Variants in TRPM4 observed in about 807,000 individuals in gnomAD.
The protein encoded by TRPM4 is transient receptor potential cation channel subfamily M member 4.
TRPM4 carries 124 observed loss-of-function variants against 135.6 expected under a neutral mutation model. That is an observed-to-expected ratio of 0.91 (90% CI 0.79 to 1.06). The LOEUF (loss-of-function observed/expected upper bound fraction) is 1.06. TRPM4 is among the 50% of genes least tolerant of loss of function. The pLI is 0.00. For synonymous variants in TRPM4, 745 were observed against 705.6 expected (o/e 1.06, Z -0.88); for missense variants, 1,658 against 1,671.4 (o/e 0.99, Z 0.14).
At chr19:49,192,084 C>T (rs930293658) in intron 16 of TRPM4, among the ~76,000 whole-genome samples, 5 of 152,146 alleles carry the variant, frequency 3.3e-5, no homozygotes, top group African/African-American at 1.2e-4. Context: ...CTATGGTTGC[C>T]GTTAAGGTAT....
chr19:49,206,238 C>T (rs570918969), intron 20 of TRPM4, among the ~76,000 whole-genome samples: 10 of 152,190 alleles, frequency 6.6e-5, no homozygotes, highest in Non-Finnish European at 1.2e-4. Context: ...GGATTACAGG[C>T]GTGAGCCACC....
intron 2 of TRPM4, chr19:49,158,607 CA>C: frequency 3.5e-6 from 1 of 284,712 alleles, no homozygotes. Flanking sequence ...TTCATTCATT[CA>C]TTCATTCATT....
Position 49,168,004 on chromosome 19 carries a change from G to T in TRPM4, c.355G>T (p.Val119Leu). Residue 119 changes from valine to leucine, a missense_variant, in exon 4 of 25, where the codon GTG (valine) becomes TTG (leucine). This residue lies in a region of TRPM4 where 239 missense variants were observed against 240.1 expected (regional missense o/e 1.00). Coordinates refer to ENST00000252826, the MANE Select transcript of TRPM4 (RefSeq NM_017636.4). ...GGGCTTCCGTGCCCCGAACCTGGTG[G>T]TGTCAGTGCTGGGGGGATCGGGGGG... ...TWGFRAPNLV[V>L]SVLGGSGGPV... The T allele has an allele frequency of 6.2e-7, 1 of 1,613,878 alleles. No individual in the cohort carries two copies. Among genetic ancestry groups the T allele is most frequent in the Non-Finnish European group, 8.5e-7 (1 of 1,179,998 alleles).
At chr19:49,172,152 C>T in intron 9 of TRPM4, 44 bp downstream of exon 9, 1 of 1,442,046 alleles carries the variant, frequency 6.9e-7, no homozygotes, top group Non-Finnish European at 9.8e-7. Context: ...TCAGTTCAAC[C>T]TTAGACACCT....
At position 49,167,468 on chromosome 19, in the gene TRPM4, C is replaced by T. The variant is rs532349588; in HGVS notation, c.268-449C>T. ...CCCTCTCTCTCTGGGTCTCTGTCGC[C>T]ATCTCTCTGGGTCTCTGTCCCTCTC... is the stretch of plus-strand genomic sequence containing the variant. On this transcript the variant is annotated intron_variant, in intron 3 of 24. Transcript: ENST00000252826. Among the ~76,000 whole-genome samples, 403 of 82,276 alleles carry T rather than the reference C, an allele frequency of 4.9e-3. 10 individuals carry two copies. Among genetic ancestry groups the T allele is most frequent in the Non-Finnish European group, 5.3e-3 (206 of 38,788 alleles). 54.0% of individuals were successfully genotyped at this position (82,276 alleles called of 152,430 possible). A position where few individuals can be genotyped will look rare whatever the true frequency, so the allele number is the denominator to read the frequency against.
chr19:49,207,233 A>C (rs1287978905), intron 20 of TRPM4, among the ~76,000 whole-genome samples: 1 of 152,220 alleles, frequency 6.6e-6, no homozygotes, highest in Non-Finnish European at 1.5e-5. Context: ...GATCTTAGGC[A>C]GAAAGCTTTC....
In TRPM4 at chr19:49,200,607, A is replaced by C. The variant is rs1433892690; in HGVS notation, c.2779-4A>C. ...GGGCCAGACTCAGCCACATCTCCCCACAGATGAAGGACGTGTTCTTCTTCC... is the reference window on the plus strand; with the variant it reads ...GGGCCAGACTCAGCCACATCTCCCCCCAGATGAAGGACGTGTTCTTCTTCC... On this transcript the variant is annotated splice_polypyrimidine_tract_variant and splice_region_variant and intron_variant, in intron 18 of 24. Transcript: ENST00000252826. 6.2e-7 allele frequency: 1 copy of C among 1,612,366 alleles called. No individual in the cohort carries two copies. Among genetic ancestry groups the C allele is most frequent in the Non-Finnish European group, 8.5e-7 (1 of 1,180,000 alleles).
chr19:49,166,310 C>T, intron 3 of TRPM4, 95 bp downstream of exon 3: 1 of 1,314,188 alleles, frequency 7.6e-7, no homozygotes, highest in South Asian at 1.5e-5. Context: ...GAACCCTGGC[C>T]CCTCCGCCCA....
chr19:49,202,160 C>A lies in TRPM4; in HGVS notation c.3131+19C>A, dbSNP rs772711020. ...TGTTCAGGTGAGGCCTGACTGCTCT[C>A]TGATCTGACCCCACCCAGCATGACC... On this transcript the variant is annotated intron_variant, in intron 20 of 24. Transcript: ENST00000252826. The A allele has an allele frequency of 2.6e-5, 42 of 1,613,608 alleles. No homozygotes were observed. The highest frequency in any genetic ancestry group is 1.0e-4 in the Admixed American group (6 of 60,000).
intron 2 of TRPM4, 84 bp downstream of exon 2, chr19:49,158,343 C>G (rs1600380103): frequency 1.6e-6 from 2 of 1,265,412 alleles, no homozygotes; most frequent in East Asian, 4.6e-5. Flanking sequence ...CAGCCCTGCT[C>G]CTTCCCCATT....
intron 12 of TRPM4, among the ~76,000 whole-genome samples, chr19:49,186,399 C>G (rs1334029216): frequency 6.6e-6 from 1 of 152,306 alleles, no homozygotes; most frequent in East Asian, 1.9e-4. Context: ...GCCTCTAGCC[C>G]TAGTCATGCA....
intron 2 of TRPM4, among the ~76,000 whole-genome samples, chr19:49,161,321 CTCTTTTT>C (rs1966953804): frequency 9.2e-6 from 1 of 108,964 alleles, no homozygotes; most frequent in African/African-American, 3.2e-5. Flanking sequence ...CTGTCTCTCT[CTCTTTTT>C]TTTTTTTTTT....
At chr19:49,173,343 C>T (rs1967546673) in intron 9 of TRPM4, among the ~76,000 whole-genome samples, 1 of 152,326 alleles carries the variant, frequency 6.6e-6, no homozygotes, top group East Asian at 1.9e-4. Flanking sequence ...CTCACCTGTC[C>T]ATCCACACAT....
rs775526463 is a variant in TRPM4, at chr19:49,166,165, G to A, written c.217G>A (p.Asp73Asn). 8 of 1,609,016 alleles carry A rather than the reference G, an allele frequency of 5.0e-6. No homozygotes were observed. Among genetic ancestry groups the A allele is most frequent in the Non-Finnish European group, 6.8e-6 (8 of 1,178,546 alleles). ...TGCACACACCACGGAGAAGCCCACC[G>A]ATGCCTACGGAGAGCTGGACTTCAC... is the stretch of plus-strand genomic sequence containing the variant. The part of the protein sequence containing the change: ...SDAHTTEKPT[D>N]AYGELDFTGA... The change falls in exon 3 of 25, where the codon GAT becomes AAT. Residue 73 changes from aspartate to asparagine, a missense_variant. Physicochemically the swap from Asp to Asn is conservative, Grantham distance 23 (BLOSUM62 1). Transcript: ENST00000252826.
At chr19:49,180,639 C>T (rs1225362416) in intron 9 of TRPM4, among the ~76,000 whole-genome samples, 2 of 152,002 alleles carry the variant, frequency 1.3e-5, no homozygotes, top group Non-Finnish European at 2.9e-5. Flanking sequence ...CCATATCCTC[C>T]TCTGGGCCCT....
rs138686218 is a variant in TRPM4 at position 49,182,732 on chromosome 19, T to C, written c.1418T>C (p.Ile473Thr). 10 of 1,613,950 alleles carry C rather than the reference T, an allele frequency of 6.2e-6. No individual in the cohort carries two copies. Among genetic ancestry groups the C allele is most frequent in the South Asian group, 5.5e-5 (5 of 91,090 alleles). The change falls in exon 11 of 25, where the codon ATC becomes ACC. Residue 473 changes from isoleucine (I) to threonine (T), a missense_variant. Around this residue, in one of 3 missense-constraint regions of TRPM4, gnomAD observed 1,412 missense variants for 1,408.7 expected, o/e 1.00. Coordinates refer to ENST00000252826, the MANE Select transcript of TRPM4 (RefSeq NM_017636.4). ...LYSAAPSNSL[I>T]RNLLDQASHS... is the part of the protein sequence containing the mutation. ...AGCGCGGCGCCCTCCAACTCGCTCA[T>C]CCGCAACCTTTTGGACCAGGCGTCC... is the stretch of plus-strand genomic sequence containing the variant.
intron 16 of TRPM4, among the ~76,000 whole-genome samples, chr19:49,193,883 T>TGTCATCCTCCTTGTCCTCCTCCTC (rs1968509114): frequency 4.7e-5 from 7 of 149,568 alleles, no homozygotes; most frequent in Non-Finnish European, 8.9e-5. Flanking sequence ...TCCTCCTCCT[T>TGTCATCCTCCTTGTCCTCCTCCTC]GTCATCCTCC....
intron 10 of TRPM4, among the ~76,000 whole-genome samples, chr19:49,182,343 T>C (rs1161552505): frequency 6.7e-6 from 1 of 148,226 alleles, no homozygotes. Flanking sequence ...TGTCCATCCA[T>C]CCATCCCTCT....
chr19:49,182,738 A>C lies in TRPM4; in HGVS notation c.1424A>C (p.Asn475Thr), dbSNP rs768896988. Reference protein sequence around the residue: ...SAAPSNSLIRNLLDQASHSAG... With the variant: ...SAAPSNSLIRTLLDQASHSAG... ...GCGCCCTCCAACTCGCTCATCCGCA[A>C]CCTTTTGGACCAGGCGTCCCACAGC... Residue 475 changes from asparagine (N) to threonine (T), a missense_variant, in exon 11 of 25, where the codon AAC becomes ACC. Physicochemically the swap from Asn to Thr is moderately conservative, Grantham distance 65. Coordinates refer to ENST00000252826, the MANE Select transcript of TRPM4 (RefSeq NM_017636.4). 6.2e-7 allele frequency: 1 copy of C among 1,613,882 alleles called. No homozygotes were observed. The highest frequency in any genetic ancestry group is 1.3e-5 in the African/African-American group (1 of 74,932).
Sources: gnomAD v4.1 joint callset for allele counts (sites outside exome capture counted in the v4.1 genomes callset) on GRCh38, gnomAD v4.1.1 for gene constraint, gnomAD v4.1.1 regional missense constraint, MANE v1.5 for transcripts, NCBI Gene and HGNC (gene_info 2026-07-23, HGNC 2026-07-21) for gene names.